The following OPRD1 variants were observed in gnomAD, a reference collection of about 807,000 sequenced individuals.
OPRD1 encodes the protein delta-type opioid receptor.
OPRD1 carries 19 observed loss-of-function variants against 17.5 expected under a neutral mutation model. The observed-to-expected ratio is 1.09, with a 90% CI of 0.76 to 1.60. The LOEUF is 1.60. Ranked by LOEUF, OPRD1 falls within the 40% of genes most tolerant of loss-of-function variation. The pLI is 0.00. For missense variants in OPRD1, 483 were observed against 547.2 expected (o/e 0.88, Z 1.17); for synonymous variants, 256 against 240.9 (o/e 1.06, Z -0.58).
chr1:28,863,229 G>A lies in OPRD1; in HGVS notation c.1065G>A (p.Glu355=), dbSNP rs879656886. 3 of 1,564,476 alleles carry A rather than the reference G, an allele frequency of 1.9e-6. No individual in the cohort carries two copies. Among genetic ancestry groups the A allele is most frequent in the Non-Finnish European group, 2.6e-6 (3 of 1,162,972 alleles). The change falls in exon 3 of 3, where the codon GAG becomes GAA. Residue 355 remains glutamate (E), a synonymous_variant. Transcript: ENST00000234961. The part of the protein sequence containing the change: ...FSRAREATAR[E]RVTACTPSDG... Reference sequence around the variant, plus strand: ...GCGCCCGCGAAGCCACGGCCCGCGAGCGTGTCACCGCCTGCACCCCGTCCG... The same window carrying A: ...GCGCCCGCGAAGCCACGGCCCGCGAACGTGTCACCGCCTGCACCCCGTCCG...
intron 1 of OPRD1, among the ~76,000 whole-genome samples, chr1:28,818,913 A>G (rs532543253): frequency 6.6e-6 from 1 of 152,064 alleles, no homozygotes; most frequent in Non-Finnish European, 1.5e-5. Context: ...CAGGGGTCCC[A>G]TGGTAAGGTT....
intron 2 of OPRD1, among the ~76,000 whole-genome samples, chr1:28,860,538 A>G (rs1246734631): frequency 3.9e-5 from 6 of 152,196 alleles, no homozygotes; most frequent in Non-Finnish European, 8.8e-5. Context: ...AAAAGAGATA[A>G]TATGTGTAGA....
chr1:28,852,115 C>T (rs1297593902), intron 1 of OPRD1, among the ~76,000 whole-genome samples: 3 of 144,614 alleles, frequency 2.1e-5, no homozygotes, highest in Non-Finnish European at 4.5e-5. Flanking sequence ...TGGAGTGAGC[C>T]GAGATCACGC....
chr1:28,812,340 A>T lies in OPRD1; in HGVS notation c.-44A>T. The T allele has an allele frequency of 8.1e-7, 1 of 1,234,782 alleles. No homozygotes were observed. 76.5% of individuals were successfully genotyped at this position (1,234,782 alleles called of 1,614,324 possible). On this transcript the variant is annotated 5_prime_UTR_variant, in exon 1 of 3. Transcript: ENST00000234961. ...CCCCTCGCGTCGGATCCCCGCGCCC[A>T]GGGCGCACGGTGGAGAGGGACGCGG...
intron 1 of OPRD1, among the ~76,000 whole-genome samples, chr1:28,833,629 G>A (rs1022694894): frequency 6.6e-6 from 1 of 152,150 alleles, no homozygotes; most frequent in Non-Finnish European, 1.5e-5. Context: ...GCAACGCCTC[G>A]ATTAGTGTCT....
At position 28,869,321 on chromosome 1, in the gene OPRD1, T is replaced by C. The variant is rs2089198717; in HGVS notation, c.*6038T>C. On this transcript the variant is annotated 3_prime_UTR_variant, in exon 3 of 3. Coordinates refer to ENST00000234961, the MANE Select transcript of OPRD1 (RefSeq NM_000911.4). Reference sequence around the variant, plus strand: ...CAGCTTGGGAATTCAAAATGGGGCTTAGAGAGGAGCTGGAGGGGGCCCTCG... The same window carrying C: ...CAGCTTGGGAATTCAAAATGGGGCTCAGAGAGGAGCTGGAGGGGGCCCTCG... 1 of 152,338 alleles carries C rather than the reference T, an allele frequency of 6.6e-6. No homozygotes were observed. Among genetic ancestry groups the C allele is most frequent in the African/African-American group, 2.4e-5 (1 of 41,384 alleles). 9.4% of individuals were successfully genotyped at this position (152,338 alleles called of 1,614,324 possible). A position where few individuals can be genotyped will look rare whatever the true frequency, so the allele number is the denominator to read the frequency against.
intron 1 of OPRD1, among the ~76,000 whole-genome samples, chr1:28,834,381 C>CTTTTTTT (rs11306242): frequency 5.7e-5 from 7 of 121,792 alleles, no homozygotes; most frequent in East Asian, 2.5e-4. Flanking sequence ...TTCTTTTTTT[C>CTTTTTTT]TTTTTTTTTT....
chr1:28,821,497 G>A (rs2088712139), intron 1 of OPRD1, among the ~76,000 whole-genome samples: 1 of 151,908 alleles, frequency 6.6e-6, no homozygotes, highest in Non-Finnish European at 1.5e-5. Context: ...CTTGGCCTCC[G>A]AAAGTGCTGG....
chr1:28,847,952 A>G (rs997540224), intron 1 of OPRD1, among the ~76,000 whole-genome samples: 3 of 151,962 alleles, frequency 2.0e-5, no homozygotes, highest in Non-Finnish European at 4.4e-5. Flanking sequence ...AAACCCAGTT[A>G]TTGGAAAAAA....
At chr1:28,855,581 G>C in intron 1 of OPRD1, among the ~76,000 whole-genome samples, 1 of 152,172 alleles carries the variant, frequency 6.6e-6, no homozygotes. Context: ...GAGGAGAGGA[G>C]CCCGGGGCCC....
rs2089146813 is a variant in OPRD1 at position 28,863,600 on chromosome 1, C to T, written c.*317C>T. 2 of 325,338 alleles carry T rather than the reference C, an allele frequency of 6.1e-6. No individual in the cohort carries two copies. Among genetic ancestry groups the T allele is most frequent in the Admixed American group, 4.9e-5 (1 of 20,446 alleles). The allele number at this position is 325,338 out of a possible 1,614,324, so 20.2% of individuals were successfully genotyped here. ...GGACCTGTGGCTCTACAACTGAGTC[C>T]TTAAACAGGGCATCTCCAGGAAGGC... On this transcript the variant is annotated 3_prime_UTR_variant, in exon 3 of 3. Transcript: ENST00000234961.
At chr1:28,836,751 G>A (rs1020690565) in intron 1 of OPRD1, among the ~76,000 whole-genome samples, 4 of 152,088 alleles carry the variant, frequency 2.6e-5, no homozygotes, top group Non-Finnish European at 5.9e-5. Flanking sequence ...TCTCTCTGTT[G>A]TCCAGGCTGG....
At chr1:28,847,010 T>TCC (rs2088959528) in intron 1 of OPRD1, among the ~76,000 whole-genome samples, 1 of 124,908 alleles carries the variant, frequency 8.0e-6, no homozygotes, top group Admixed American at 8.2e-5. Flanking sequence ...TCCCTTCCTT[T>TCC]CCTTTCCTGT....
chr1:28,824,992 C>T (rs867371768), intron 1 of OPRD1, among the ~76,000 whole-genome samples: 5 of 151,958 alleles, frequency 3.3e-5, no homozygotes, highest in Middle Eastern at 3.4e-3. Flanking sequence ...CCACCGCGCC[C>T]GGCTAATTTT....
At chr1:28,843,763 C>T (rs912767419) in intron 1 of OPRD1, among the ~76,000 whole-genome samples, 9 of 152,024 alleles carry the variant, frequency 5.9e-5, no homozygotes, top group East Asian at 1.9e-4. Context: ...GGACTACAAA[C>T]GTGCATCACC....
At chr1:28,832,050 G>A (rs1557571829) in intron 1 of OPRD1, among the ~76,000 whole-genome samples, 1 of 152,116 alleles carries the variant, frequency 6.6e-6, no homozygotes, top group Admixed American at 6.6e-5. Context: ...TTGAACTGAG[G>A]CCCCTTGACT....
chr1:28,828,454 A>G (rs489272), intron 1 of OPRD1, among the ~76,000 whole-genome samples: 69,677 of 151,796 alleles, frequency 0.46, 17,961 homozygotes, highest in East Asian at 0.81. Flanking sequence ...CATAATTCTT[A>G]AGGGCCCTAG....
intron 1 of OPRD1, among the ~76,000 whole-genome samples, chr1:28,817,815 G>A (rs1001777414): frequency 1.3e-5 from 2 of 151,134 alleles, no homozygotes; most frequent in Non-Finnish European, 2.9e-5. Flanking sequence ...AGGGATTCTC[G>A]TGCCTCAGCC....
chr1:28,817,706 TA>T (rs1414569466), intron 1 of OPRD1, among the ~76,000 whole-genome samples: 1 of 152,024 alleles, frequency 6.6e-6, no homozygotes, highest in Admixed American at 6.6e-5. Context: ...AAAAACAGCT[TA>T]ACTTCCCTTT....
Sources: allele counts gnomAD v4.1 joint callset (sites outside exome capture counted in the v4.1 genomes callset), GRCh38; gene constraint gnomAD v4.1.1; transcripts MANE v1.5; gene names NCBI Gene and HGNC (gene_info 2026-07-23, HGNC 2026-07-21).